Variants in RNGTT observed in about 807,000 individuals in gnomAD.
The protein encoded by RNGTT is RNA guanylyltransferase and 5'-phosphatase, also known as mRNA-capping enzyme.
In RNGTT, 33 loss-of-function variants were observed where a neutral mutation model predicts 79.3. The ratio of observed to expected loss-of-function variants is 0.42; its 90% confidence interval spans 0.32 to 0.56. The LOEUF (loss-of-function observed/expected upper bound fraction) is 0.56, where lower values mean the gene tolerates loss of function less well. Ranked by LOEUF, RNGTT falls within the 20% of genes least tolerant of loss-of-function variation. The pLI is 0.17. For synonymous variants in RNGTT, 222 were observed against 235.9 expected (o/e 0.94, Z 0.54); for missense variants, 497 against 739.1 (o/e 0.67, Z 3.80).
chr6:88,695,846 G>A (rs2756356), intron 13 of RNGTT, among the ~76,000 whole-genome samples: 4,115 of 152,248 alleles, frequency 0.027, 184 homozygotes, highest in African/African-American at 0.094. Flanking sequence ...TGTCATTTGT[G>A]ACAACATGGA....
rs554797027 is a variant in RNGTT, at chr6:88,787,101, CAGCACCCCAAACTG to C, written c.1338+14449_1338+14462del. Among the ~76,000 whole-genome samples the C allele has an allele frequency of 4.6e-4, 70 of 152,312 alleles. No individual in the cohort carries two copies. In the East Asian group the frequency reaches 0.013, roughly 28 times the overall value. ...CCACTCGGTTTATGGTATTTTGTTA[CAGCACCCCAAACTG>C]ACTAATTGACTGTTTATATTATTGT... is the stretch of plus-strand genomic sequence containing the variant. On this transcript the variant is annotated intron_variant, in intron 12 of 15. Coordinates refer to ENST00000369485, the MANE Select transcript of RNGTT (RefSeq NM_003800.5).
intron 14 of RNGTT, among the ~76,000 whole-genome samples, chr6:88,669,116 G>C (rs953681438): frequency 2.0e-5 from 3 of 152,056 alleles, no homozygotes; most frequent in African/African-American, 7.2e-5. Context: ...GTAAACCTAG[G>C]AATTGATGGA....
At chr6:88,663,848 G>C (rs1319821341) in intron 14 of RNGTT, among the ~76,000 whole-genome samples, 2 of 152,300 alleles carry the variant, frequency 1.3e-5, no homozygotes, top group East Asian at 3.9e-4. Flanking sequence ...GTGCCTTTGT[G>C]TACCAACCTT....
At chr6:88,811,288 T>C (rs78002253) in intron 11 of RNGTT, among the ~76,000 whole-genome samples, 6,516 of 152,294 alleles carry the variant, frequency 0.043, 205 homozygotes, top group Non-Finnish European at 0.059. Context: ...TATATATCAA[T>C]TTTTAATAAA....
intron 6 of RNGTT, among the ~76,000 whole-genome samples, chr6:88,893,473 AT>A (rs1368922793): frequency 6.6e-6 from 1 of 152,168 alleles, no homozygotes; most frequent in East Asian, 1.9e-4. Context: ...CACTATTTAT[AT>A]TTTTAACATA....
At chr6:88,963,189 T>A (rs1419359365) in intron 1 of RNGTT, among the ~76,000 whole-genome samples, 157 bp downstream of exon 1, 1 of 142,344 alleles carries the variant, frequency 7.0e-6, no homozygotes, top group East Asian at 2.0e-4. Context: ...CTCCCGTTCA[T>A]GTTCCCATTC....
At chr6:88,788,245 G>A (rs1476876688) in intron 12 of RNGTT, among the ~76,000 whole-genome samples, 1 of 152,114 alleles carries the variant, frequency 6.6e-6, no homozygotes, top group Non-Finnish European at 1.5e-5. Flanking sequence ...CTACTAGAAA[G>A]AGTAGGGCAT....
At chr6:88,913,441 A>C (rs751003131) in intron 4 of RNGTT, among the ~76,000 whole-genome samples, 1 of 152,176 alleles carries the variant, frequency 6.6e-6, no homozygotes, top group Non-Finnish European at 1.5e-5. Flanking sequence ...CCTGATAAAC[A>C]TAGACACAAA....
At chr6:88,953,366 G>C (rs1320561916) in intron 1 of RNGTT, among the ~76,000 whole-genome samples, 6 of 151,978 alleles carry the variant, frequency 3.9e-5, no homozygotes, top group Non-Finnish European at 8.8e-5. Flanking sequence ...ACAAGTAGAA[G>C]AAAGTACTTC....
At chr6:88,678,587 T>A (rs1774973511) in intron 13 of RNGTT, among the ~76,000 whole-genome samples, 168 bp from the exon 14 acceptor site, 1 of 152,046 alleles carries the variant, frequency 6.6e-6, no homozygotes, top group Admixed American at 6.5e-5. Context: ...TTTCACACTA[T>A]GAGATAGTAA....
chr6:88,876,048 T>G (rs1175826956), intron 8 of RNGTT, among the ~76,000 whole-genome samples: 1 of 151,894 alleles, frequency 6.6e-6, no homozygotes, highest in African/African-American at 2.4e-5. Context: ...AATACTATTT[T>G]TGTCAAAATT....
chr6:88,722,774 C>T (rs1375675340), intron 13 of RNGTT, among the ~76,000 whole-genome samples: 1 of 152,082 alleles, frequency 6.6e-6, no homozygotes, highest in Admixed American at 6.5e-5. Context: ...ATGTTTGGAA[C>T]AACGATATAC....
intron 11 of RNGTT, among the ~76,000 whole-genome samples, chr6:88,831,492 G>T (rs910082967): frequency 6.6e-6 from 1 of 152,070 alleles, no homozygotes. Context: ...CATACTACAC[G>T]GGCAAAAGCT....
intron 14 of RNGTT, among the ~76,000 whole-genome samples, chr6:88,642,309 A>G: frequency 6.6e-6 from 1 of 152,196 alleles, no homozygotes; most frequent in Non-Finnish European, 1.5e-5. Flanking sequence ...ATTAAAGCAC[A>G]CAGCAAGAGC....
chr6:88,740,048 A>T (rs1437473328), intron 13 of RNGTT, among the ~76,000 whole-genome samples: 2 of 151,894 alleles, frequency 1.3e-5, no homozygotes, highest in African/African-American at 2.4e-5. Flanking sequence ...AGAGAAACAA[A>T]TTTTTCCTAA....
At chr6:88,867,740 C>A (rs148511346) in intron 8 of RNGTT, among the ~76,000 whole-genome samples, 6 of 152,230 alleles carry the variant, frequency 3.9e-5, no homozygotes, top group Non-Finnish European at 8.8e-5. Context: ...CAAGTTAATT[C>A]TAATCAGTCT....
At chr6:88,717,802 A>G (rs1485687678) in intron 13 of RNGTT, among the ~76,000 whole-genome samples, 1 of 152,138 alleles carries the variant, frequency 6.6e-6, no homozygotes, top group Non-Finnish European at 1.5e-5. Flanking sequence ...AGAAAAAAAC[A>G]GCAGCCCACC....
intron 13 of RNGTT, among the ~76,000 whole-genome samples, chr6:88,692,259 T>C (rs549134245): frequency 6.6e-6 from 1 of 152,240 alleles, no homozygotes; most frequent in East Asian, 1.9e-4. Flanking sequence ...CTATACACCC[T>C]AAAATATTTG....
At chr6:88,662,313 A>C (rs2756391) in intron 14 of RNGTT, among the ~76,000 whole-genome samples, 40,308 of 152,150 alleles carry the variant, frequency 0.26, 9,318 homozygotes, top group African/African-American at 0.63. Context: ...TGGATTCCAG[A>C]CATTGTATGA....
Sources: gnomAD v4.1 joint callset for allele counts (sites outside exome capture counted in the v4.1 genomes callset) on GRCh38, gnomAD v4.1.1 for gene constraint, MANE v1.5 for transcripts, NCBI Gene and HGNC (gene_info 2026-07-23, HGNC 2026-07-21) for gene names.